MAGI2: variants seen among roughly 807,000 people sequenced by gnomAD.
MAGI2 encodes the protein membrane associated guanylate kinase, WW and PDZ domain containing 2, also known as membrane-associated guanylate kinase, WW and PDZ domain-containing protein 2.
Under a neutral mutation model 133.3 loss-of-function variants are expected in MAGI2, and 35 were observed. That is an observed-to-expected ratio of 0.26 (90% CI 0.20 to 0.35). MAGI2 has a LOEUF of 0.35. Among genes scored for constraint, MAGI2 ranks in the 10% least tolerant of loss-of-function variants. The probability of loss-of-function intolerance (pLI) is 1.00; values close to 1 mark genes in which losing one functional copy is unlikely to be tolerated. For synonymous variants in MAGI2, 729 were observed against 710.6 expected (o/e 1.03, Z -0.41); for missense variants, 1,636 against 1,863.4 (o/e 0.88, Z 2.25).
chr7:78,689,741 T>C (rs1203028701), intron 2 of MAGI2, among the ~76,000 whole-genome samples: 1 of 143,718 alleles, frequency 7.0e-6, no homozygotes. Flanking sequence ...TTATCCATGC[T>C]GTTATATGTA....
intron 2 of MAGI2, among the ~76,000 whole-genome samples, chr7:79,003,826 A>T (rs990865160): frequency 6.6e-6 from 1 of 152,318 alleles, no homozygotes; most frequent in African/African-American, 2.4e-5. Flanking sequence ...AAGACATGCA[A>T]ATGGCCAAAA....
intron 2 of MAGI2, among the ~76,000 whole-genome samples, chr7:78,939,409 C>T (rs1354909316): frequency 1.3e-5 from 2 of 152,108 alleles, no homozygotes; most frequent in Non-Finnish European, 2.9e-5. Flanking sequence ...GCTGAATGGA[C>T]ATTCTAACAT....
intron 1 of MAGI2, among the ~76,000 whole-genome samples, chr7:79,068,255 G>A (rs1562854585): frequency 1.3e-5 from 2 of 152,126 alleles, no homozygotes; most frequent in Non-Finnish European, 2.9e-5. Context: ...TTGTTGGTAG[G>A]CTATTAAATA....
At chr7:79,206,202 A>G (rs765272443) in intron 1 of MAGI2, among the ~76,000 whole-genome samples, 3 of 149,070 alleles carry the variant, frequency 2.0e-5, no homozygotes, top group Non-Finnish European at 4.4e-5. Flanking sequence ...AGCCAAAGTT[A>G]GTAAAAAAAA....
intron 1 of MAGI2, among the ~76,000 whole-genome samples, chr7:79,191,882 T>C (rs1470389147): frequency 6.6e-6 from 1 of 151,780 alleles, no homozygotes; most frequent in Non-Finnish European, 1.5e-5. Context: ...GTTAAATGGA[T>C]TTGGTTGGCA....
chr7:78,715,847 A>ATTTTGTATTTTGT (rs59543870), intron 2 of MAGI2, among the ~76,000 whole-genome samples: 1,872 of 151,396 alleles, frequency 0.012, 53 homozygotes, highest in Admixed American at 0.053. Context: ...ATAAATACAA[A>ATTTTGTATTTTGT]ATATAAGTCC....
intron 2 of MAGI2, among the ~76,000 whole-genome samples, chr7:78,679,913 A>G: frequency 6.6e-6 from 1 of 152,180 alleles, no homozygotes; most frequent in Admixed American, 6.6e-5. Flanking sequence ...CAAAGTCAGC[A>G]TAGTCAGCTT....
intron 2 of MAGI2, among the ~76,000 whole-genome samples, chr7:78,927,937 C>T (rs1799839261): frequency 6.6e-6 from 1 of 151,732 alleles, no homozygotes; most frequent in Non-Finnish European, 1.5e-5. Flanking sequence ...CCCTAAGGTG[C>T]CATATGCTAA....
chr7:78,400,197 G>C (rs1186389436), intron 6 of MAGI2, among the ~76,000 whole-genome samples: 1 of 152,138 alleles, frequency 6.6e-6, no homozygotes. Context: ...ATTCTCCAGA[G>C]AAAATCTTTC....
At chr7:79,185,337 T>C (rs1279818791) in intron 1 of MAGI2, among the ~76,000 whole-genome samples, 1 of 151,834 alleles carries the variant, frequency 6.6e-6, no homozygotes, top group African/African-American at 2.4e-5. Context: ...GCATCTCTAT[T>C]ATGAAAAATT....
intron 1 of MAGI2, among the ~76,000 whole-genome samples, chr7:79,407,168 A>G (rs1402953097): frequency 6.6e-6 from 1 of 152,156 alleles, no homozygotes; most frequent in Admixed American, 6.5e-5. Context: ...TCAGAATCAA[A>G]ATGATGAATT....
Position 78,278,728 on chromosome 7 carries a change from C to T in MAGI2, c.1409-22147G>A, listed in dbSNP as rs117663318. Among the ~76,000 whole-genome samples, 42 of 152,240 alleles carry T rather than the reference C, an allele frequency of 2.8e-4. No individual in the cohort carries two copies. The East Asian group carries it at 7.5e-3, about 27-fold the overall frequency. ...GGCCTTAAGAATAAAATTGAGGTTT[C>T]CCTGAGGAAGAAGAAATTTTGCCTC... On this transcript the variant is annotated intron_variant, in intron 9 of 21. Coordinates refer to ENST00000354212, the MANE Select transcript of MAGI2 (RefSeq NM_012301.4).
intron 1 of MAGI2, among the ~76,000 whole-genome samples, chr7:79,332,243 A>G (rs1386393816): frequency 6.6e-6 from 1 of 152,202 alleles, no homozygotes; most frequent in African/African-American, 2.4e-5. Context: ...GGAAGTAAAG[A>G]TTCAATTCCT....
intron 1 of MAGI2, among the ~76,000 whole-genome samples, chr7:79,198,780 C>A (rs1026740519): frequency 1.3e-5 from 2 of 151,742 alleles, no homozygotes; most frequent in East Asian, 3.9e-4. Context: ...ACCAGCTATT[C>A]GGGAGGCTGA....
At chr7:79,190,079 T>G (rs1827518762) in intron 1 of MAGI2, among the ~76,000 whole-genome samples, 1 of 151,912 alleles carries the variant, frequency 6.6e-6, no homozygotes, top group Non-Finnish European at 1.5e-5. Flanking sequence ...GAATAAAGCT[T>G]ATATAAACAT....
intron 2 of MAGI2, among the ~76,000 whole-genome samples, chr7:78,906,030 GAAGA>G (rs1268658997): frequency 6.6e-6 from 1 of 152,138 alleles, no homozygotes; most frequent in Non-Finnish European, 1.5e-5. Flanking sequence ...AACTAAAGCA[GAAGA>G]AAGACAGAAA....
intron 1 of MAGI2, among the ~76,000 whole-genome samples, chr7:79,182,174 C>G (rs566504285): frequency 6.6e-6 from 1 of 151,980 alleles, no homozygotes; most frequent in South Asian, 2.1e-4. Flanking sequence ...GTACCCCACT[C>G]TACTGTTACC....
At chr7:79,149,761 C>T (rs559980035) in intron 1 of MAGI2, among the ~76,000 whole-genome samples, 1 of 152,142 alleles carries the variant, frequency 6.6e-6, no homozygotes, top group African/African-American at 2.4e-5. Flanking sequence ...TTTCAATTTA[C>T]AGTAAGGACA....
chr7:78,592,259 T>G (rs1804085307), intron 3 of MAGI2, among the ~76,000 whole-genome samples: 2 of 152,322 alleles, frequency 1.3e-5, no homozygotes, highest in Non-Finnish European at 1.5e-5. Context: ...ATATAGGTAT[T>G]GTTGTGATAT....
Sources: allele counts gnomAD v4.1 joint callset (sites outside exome capture counted in the v4.1 genomes callset), GRCh38; gene constraint gnomAD v4.1.1; transcripts MANE v1.5; gene names NCBI Gene and HGNC (gene_info 2026-07-23, HGNC 2026-07-21).